The following NIPAL2 variants were observed in gnomAD, a reference collection of about 807,000 sequenced individuals.
NIPAL2 encodes the protein NIPA like domain containing 2.
Under a neutral mutation model 48.9 loss-of-function variants are expected in NIPAL2, and 43 were observed. That is an observed-to-expected ratio of 0.88 (90% CI 0.69 to 1.13). NIPAL2 has a LOEUF of 1.13. Ranked by LOEUF, NIPAL2 falls within the 50% of genes most tolerant of loss-of-function variation. The pLI, the probability that NIPAL2 is intolerant of heterozygous loss-of-function variation, is 0.00. For missense variants in NIPAL2, 446 were observed against 461.4 expected (o/e 0.97, Z 0.31); for synonymous variants, 167 against 174.6 (o/e 0.96, Z 0.34).
At chr8:98,227,720 C>T (rs1032462839) in intron 4 of NIPAL2, among the ~76,000 whole-genome samples, 3 of 152,198 alleles carry the variant, frequency 2.0e-5, no homozygotes, top group Admixed American at 6.5e-5. Context: ...CCAGGGGCTG[C>T]GGGAGGAGTG....
chr8:98,266,427 C>A (rs1388915237), intron 1 of NIPAL2, among the ~76,000 whole-genome samples: 1 of 151,802 alleles, frequency 6.6e-6, no homozygotes, highest in Non-Finnish European at 1.5e-5. Context: ...CACAGTGAAA[C>A]CCTGTCTCTA....
intron 1 of NIPAL2, among the ~76,000 whole-genome samples, chr8:98,271,007 G>T (rs1446678835): frequency 6.6e-6 from 1 of 152,080 alleles, no homozygotes; most frequent in African/African-American, 2.4e-5. Context: ...GTTGGTTGTA[G>T]GTAAGCTGCT....
intron 1 of NIPAL2, among the ~76,000 whole-genome samples, chr8:98,286,161 G>T (rs1256103137): frequency 6.6e-6 from 1 of 152,148 alleles, no homozygotes; most frequent in African/African-American, 2.4e-5. Flanking sequence ...GACACAGCAA[G>T]AAGGCCCTTA....
chr8:98,199,924 T>C (rs1810725890), intron 8 of NIPAL2, among the ~76,000 whole-genome samples: 1 of 152,084 alleles, frequency 6.6e-6, no homozygotes, highest in Admixed American at 6.6e-5. Context: ...ATTTTCTTGG[T>C]CCTCCAAGAA....
In NIPAL2 at chr8:98,217,374, T is replaced by C. The variant is rs893172858; in HGVS notation, c.559-4873A>G. The C allele has an allele frequency of 7.4e-5, 72 of 974,380 alleles. 1 individual carries two copies. In the Admixed American group the frequency reaches 4.2e-3, roughly 57 times the overall value. 60.4% of individuals were successfully genotyped at this position (974,380 alleles called of 1,614,324 possible). ...GATTCCTTTTGTGAGAAATATAAAA[T>C]GTATTCAGGCTTATACATATTTTAG... is the stretch of plus-strand genomic sequence containing the variant. On this transcript the variant is annotated intron_variant, in intron 5 of 10. Transcript: ENST00000430223.
chr8:98,285,156 C>G (rs538671337), intron 1 of NIPAL2, among the ~76,000 whole-genome samples: 2 of 152,270 alleles, frequency 1.3e-5, no homozygotes, highest in Admixed American at 6.5e-5. Flanking sequence ...TGGGGAGCCG[C>G]TCATGTGAGC....
chr8:98,278,866 C>G (rs192240910), intron 1 of NIPAL2, among the ~76,000 whole-genome samples: 1 of 152,212 alleles, frequency 6.6e-6, no homozygotes, highest in East Asian at 1.9e-4. Flanking sequence ...TTTGAATATA[C>G]CAAACACACA....
chr8:98,258,319 A>G (rs1586419264), intron 1 of NIPAL2, among the ~76,000 whole-genome samples: 1 of 152,362 alleles, frequency 6.6e-6, no homozygotes, highest in African/African-American at 2.4e-5. Flanking sequence ...ACAGCTGTAC[A>G]TCAATGACAA....
chr8:98,201,170 G>A (rs576476044), intron 8 of NIPAL2, among the ~76,000 whole-genome samples: 10 of 152,108 alleles, frequency 6.6e-5, no homozygotes, highest in Middle Eastern at 3.4e-3. Flanking sequence ...GGCAAAATAC[G>A]GTCTCATCTT....
chr8:98,192,145 C>A lies in NIPAL2; in HGVS notation c.*833G>T, dbSNP rs1479952698. 6.6e-6 allele frequency: 1 copy of A among 152,080 alleles called. No individual in the cohort carries two copies. The highest frequency in any genetic ancestry group is 2.4e-5 in the African/African-American group (1 of 41,404). 9.4% of individuals were successfully genotyped at this position (152,080 alleles called of 1,614,324 possible). A position where few individuals can be genotyped will look rare whatever the true frequency, so the allele number is the denominator to read the frequency against. On this transcript the variant is annotated 3_prime_UTR_variant, in exon 11 of 11. Coordinates refer to ENST00000430223, the MANE Select transcript of NIPAL2 (RefSeq NM_001321635.2). ...TTTCAAGTATGATAGAATCATACAG[C>A]TGAAGAAAACATCACCATTCTAGAT... is the stretch of plus-strand genomic sequence containing the variant.
intron 4 of NIPAL2, among the ~76,000 whole-genome samples, chr8:98,225,336 G>A (rs1812114514): frequency 1.3e-5 from 2 of 152,262 alleles, no homozygotes; most frequent in South Asian, 4.1e-4. Context: ...TTAGTCATTT[G>A]CACTTCCTTA....
At chr8:98,225,882 G>T (rs1189261086) in intron 4 of NIPAL2, among the ~76,000 whole-genome samples, 2 of 151,976 alleles carry the variant, frequency 1.3e-5, no homozygotes, top group African/African-American at 4.8e-5. Flanking sequence ...CCTAGATCTT[G>T]TAAGCGTGTT....
intron 8 of NIPAL2, among the ~76,000 whole-genome samples, chr8:98,200,939 A>C (rs1413549119): frequency 6.6e-6 from 1 of 152,204 alleles, no homozygotes; most frequent in Non-Finnish European, 1.5e-5. Flanking sequence ...CATCTATTCA[A>C]GTTCTTTTCC....
chr8:98,290,315 A>G (rs1351830016), intron 1 of NIPAL2, among the ~76,000 whole-genome samples: 1 of 152,250 alleles, frequency 6.6e-6, no homozygotes, highest in Non-Finnish European at 1.5e-5. Context: ...TCAAAAGTTC[A>G]AAGAAAGGGC....
chr8:98,195,585 G>T (rs991205488), intron 9 of NIPAL2: 2 of 177,048 alleles, frequency 1.1e-5, no homozygotes, highest in Non-Finnish European at 2.3e-5. Flanking sequence ...GGCGACCCTA[G>T]AGGATCATGA....
At chr8:98,265,789 C>A (rs1814684782) in intron 1 of NIPAL2, among the ~76,000 whole-genome samples, 1 of 142,558 alleles carries the variant, frequency 7.0e-6, no homozygotes, top group Non-Finnish European at 1.5e-5. Context: ...TGGGTATATA[C>A]CCAAAGGACT....
intron 8 of NIPAL2, among the ~76,000 whole-genome samples, chr8:98,201,762 A>G: frequency 6.6e-6 from 1 of 152,372 alleles, no homozygotes; most frequent in East Asian, 1.9e-4. Context: ...CTAGCTTAAA[A>G]TACTAAAAAA....
chr8:98,225,293 T>G (rs1586346434), intron 4 of NIPAL2, among the ~76,000 whole-genome samples: 1 of 152,280 alleles, frequency 6.6e-6, no homozygotes, highest in Non-Finnish European at 1.5e-5. Flanking sequence ...CTTTATGAGT[T>G]GTATGCACAT....
chr8:98,222,638 C>G, intron 4 of NIPAL2, 38 bp from the exon 5 acceptor site: 2 of 1,605,990 alleles, frequency 1.2e-6, no homozygotes. Context: ...AAATTGAAAC[C>G]AACCTAAAGC....
Sources: allele counts gnomAD v4.1 joint callset (sites outside exome capture counted in the v4.1 genomes callset), GRCh38; gene constraint gnomAD v4.1.1; transcripts MANE v1.5; gene names NCBI Gene and HGNC (gene_info 2026-07-23, HGNC 2026-07-21).